SHLD1: variants seen among roughly 807,000 people sequenced by gnomAD.
SHLD1 encodes the protein RINN1-REV7-interacting novel NHEJ regulator 3.
A neutral mutation model predicts 5.5 loss-of-function variants in SHLD1; 3 were observed. That is an observed-to-expected ratio of 0.54 (90% CI 0.25 to 1.40). SHLD1 has a LOEUF of 1.40. SHLD1 is among the 40% of genes most tolerant of loss of function. The pLI, the probability that SHLD1 is intolerant of heterozygous loss-of-function variation, is 0.15. For synonymous variants in SHLD1, 92 were observed against 94.3 expected (o/e 0.98, Z 0.14); for missense variants, 210 against 244.4 (o/e 0.86, Z 0.94).
chr20:5,770,536 T>A (rs758585699), intron 1 of SHLD1, among the ~76,000 whole-genome samples: 4 of 152,184 alleles, frequency 2.6e-5, no homozygotes, highest in Non-Finnish European at 4.4e-5. Context: ...CATCAACTTG[T>A]CTTGTTGCAT....
chr20:5,860,518 C>A (rs1297531305), intron 2 of SHLD1, among the ~76,000 whole-genome samples: 1 of 152,140 alleles, frequency 6.6e-6, no homozygotes, highest in Non-Finnish European at 1.5e-5. Context: ...ACCATCTAAT[C>A]CTCAGACCCC....
At chr20:5,768,987 C>T (rs1284882153) in intron 1 of SHLD1, among the ~76,000 whole-genome samples, 1 of 151,432 alleles carries the variant, frequency 6.6e-6, no homozygotes, top group Non-Finnish European at 1.5e-5. Context: ...CTCACTGCAG[C>T]CTTGACCTCC....
At chr20:5,773,275 G>T in intron 2 of SHLD1, 1 of 654,428 alleles carries the variant, frequency 1.5e-6, no homozygotes. Flanking sequence ...TATTGTTGCT[G>T]TTAATCTCAG....
intron 2 of SHLD1, among the ~76,000 whole-genome samples, chr20:5,816,089 G>GA (rs141881349): frequency 0.39 from 33,587 of 86,574 alleles, 5,717 homozygotes; most frequent in Non-Finnish European, 0.46. Context: ...TCAAAAAAAC[G>GA]AAAAAAAAAA....
intron 2 of SHLD1, among the ~76,000 whole-genome samples, chr20:5,831,038 T>C (rs1000486059): frequency 1.3e-5 from 2 of 152,196 alleles, no homozygotes. Context: ...AAATAAGGCA[T>C]TGCAATAATT....
At chr20:5,809,493 C>T (rs1027672268) in intron 2 of SHLD1, among the ~76,000 whole-genome samples, 1 of 152,060 alleles carries the variant, frequency 6.6e-6, no homozygotes, top group African/African-American at 2.4e-5. Context: ...CAGCTTGCTC[C>T]AGAGGTTATT....
Position 5,855,239 on chromosome 20 carries a change from C to T in SHLD1, c.179-7785C>T, listed in dbSNP as rs1227662418. Among the ~76,000 whole-genome samples, 1 of 152,056 alleles carries T rather than the reference C, an allele frequency of 6.6e-6. No homozygotes were observed. Among genetic ancestry groups the T allele is most frequent in the African/African-American group, 2.4e-5 (1 of 41,406 alleles). ...CTAAGTGGAATCATACAGTATTTTT[C>T]CTATTGTGGCTGGCTTATTTCACTT... On this transcript the variant is annotated intron_variant, in intron 2 of 2. Coordinates refer to ENST00000303142, the MANE Select transcript of SHLD1 (RefSeq NM_152504.4). The surrounding 1 kb of genome is among the most constrained non-coding windows in gnomAD (Gnocchi z 4.4).
At chr20:5,782,714 G>C (rs558378407) in intron 2 of SHLD1, among the ~76,000 whole-genome samples, 1 of 152,290 alleles carries the variant, frequency 6.6e-6, no homozygotes, top group East Asian at 1.9e-4. Flanking sequence ...TTTGTAACTT[G>C]TGTATTTAGG....
At chr20:5,836,612 C>T (rs559550752) in intron 2 of SHLD1, among the ~76,000 whole-genome samples, 7 of 152,210 alleles carry the variant, frequency 4.6e-5, no homozygotes, top group Non-Finnish European at 7.3e-5. Context: ...TCCCTCCTTG[C>T]ATTTATGTCT....
chr20:5,799,283 C>CTCTCTCTTTCTTGCTTTCTT (rs372420761), intron 2 of SHLD1, among the ~76,000 whole-genome samples: 1 of 150,124 alleles, frequency 6.7e-6, no homozygotes, highest in African/African-American at 2.4e-5. Flanking sequence ...CTCTCTCGCT[C>CTCTCTCTTTCTTGCTTTCTT]TCTCTCTTTC....
chr20:5,817,430 C>CTGTGTGTGTG (rs1348723186), intron 2 of SHLD1, among the ~76,000 whole-genome samples: 6 of 99,514 alleles, frequency 6.0e-5, no homozygotes, highest in South Asian at 3.2e-4. Context: ...CTCTCTCTCT[C>CTGTGTGTGTG]TCTGTGTGTG....
chr20:5,850,579 C>T (rs1384117037), intron 2 of SHLD1, among the ~76,000 whole-genome samples: 3 of 147,558 alleles, frequency 2.0e-5, no homozygotes, highest in Non-Finnish European at 4.5e-5. Flanking sequence ...GGTGTGATCT[C>T]GGCTCACTGC....
At position 5,760,680 on chromosome 20, in the gene SHLD1, G is replaced by A. The variant is rs112914019; in HGVS notation, c.-5+10201G>A. 7.3e-3 allele frequency among the ~76,000 whole-genome samples: 1,102 copies of A among 151,734 alleles called. 13 individuals carry two copies. The highest frequency in any genetic ancestry group is 0.025 in the African/African-American group (1,029 of 41,376). ...TGCACTCCAGCCTGGGCGACAGAGC[G>A]AGACTCTGTCTAAAAAATAAAAAAA... On this transcript the variant is annotated intron_variant, in intron 1 of 2. Transcript: ENST00000303142.
chr20:5,774,030 C>T (rs1388796377), intron 2 of SHLD1, among the ~76,000 whole-genome samples: 1 of 151,936 alleles, frequency 6.6e-6, no homozygotes, highest in Non-Finnish European at 1.5e-5. Context: ...ATGGTGAAAC[C>T]CTGTCTCTAC....
intron 2 of SHLD1, among the ~76,000 whole-genome samples, chr20:5,850,122 A>AATAATAATAATAATG (rs1426928339): frequency 1.3e-4 from 17 of 128,052 alleles, no homozygotes; most frequent in Non-Finnish European, 2.1e-4. Context: ...CAATAATAAT[A>AATAATAATAATAATG]ATAATAATAA....
chr20:5,766,883 G>A (rs1319312299), intron 1 of SHLD1, among the ~76,000 whole-genome samples: 1 of 152,092 alleles, frequency 6.6e-6, no homozygotes, highest in Non-Finnish European at 1.5e-5. Flanking sequence ...AGGATTACAG[G>A]CTTGAGCCAC....
At chr20:5,809,945 A>G (rs73073217) in intron 2 of SHLD1, among the ~76,000 whole-genome samples, 2,181 of 152,060 alleles carry the variant, frequency 0.014, 34 homozygotes, top group African/African-American at 0.024. Context: ...AGTTTATCAC[A>G]TACTACACCT....
chr20:5,848,370 T>C (rs1295007115), intron 2 of SHLD1, among the ~76,000 whole-genome samples: 3 of 152,140 alleles, frequency 2.0e-5, no homozygotes, highest in Admixed American at 6.5e-5. Context: ...CAAAATCCCC[T>C]CTCTACTGAA....
At chr20:5,789,842 G>A (rs771955422) in intron 2 of SHLD1, among the ~76,000 whole-genome samples, 1 of 152,094 alleles carries the variant, frequency 6.6e-6, no homozygotes, top group Non-Finnish European at 1.5e-5. Context: ...CCCAGACCCA[G>A]TGCATCCTAA....
Sources: allele counts gnomAD v4.1 joint callset (sites outside exome capture counted in the v4.1 genomes callset), GRCh38; gene constraint gnomAD v4.1.1; non-coding constraint Gnocchi (gnomAD v3.1); transcripts MANE v1.5; gene names NCBI Gene and HGNC (gene_info 2026-07-23, HGNC 2026-07-21).